The following NBAS variants were observed in gnomAD, a reference collection of about 807,000 sequenced individuals.
NBAS encodes NBAS subunit of NRZ tethering complex, also known as NAG/BC035112 fusion.
In NBAS, 219 loss-of-function variants were observed where a neutral mutation model predicts 302.5. The observed-to-expected ratio is 0.72, with a 90% CI of 0.65 to 0.81. NBAS has a LOEUF of 0.81. Among genes scored for constraint, NBAS ranks in the 30% least tolerant of loss-of-function variants. The pLI, the probability that NBAS is intolerant of heterozygous loss-of-function variation, is 0.00. For missense variants in NBAS, 2,932 were observed against 2,841.6 expected (o/e 1.03, Z -0.72); for synonymous variants, 1,118 against 1,021.6 (o/e 1.09, Z -1.80).
At chr2:14,983,431 T>C in the NBAS span, among the ~76,000 whole-genome samples, 1 of 152,040 alleles carries the variant, frequency 6.6e-6, no homozygotes, top group Non-Finnish European at 1.5e-5. Context: ...TTTGATGCAA[T>C]TTCTTTATTT....
chr2:15,479,519 T>C (rs1680335913), intron 12 of NBAS, among the ~76,000 whole-genome samples: 1 of 152,018 alleles, frequency 6.6e-6, no homozygotes, highest in South Asian at 2.1e-4. Context: ...AAATACAGAG[T>C]AAAAAACCTT....
the NBAS span, among the ~76,000 whole-genome samples, chr2:14,922,766 C>T: frequency 4.6e-5 from 7 of 152,170 alleles, no homozygotes; most frequent in African/African-American, 4.8e-5. Flanking sequence ...AAAGACAGTT[C>T]GCAAAAATAG....
the NBAS span, among the ~76,000 whole-genome samples, chr2:15,021,062 T>C: frequency 6.6e-6 from 1 of 152,130 alleles, no homozygotes; most frequent in South Asian, 2.1e-4. Flanking sequence ...TAAAACCTTG[T>C]CTCTACTAAA....
chr2:14,811,928 A>G, the NBAS span, among the ~76,000 whole-genome samples: 1 of 152,210 alleles, frequency 6.6e-6, no homozygotes, highest in Admixed American at 6.5e-5. Flanking sequence ...ATTATCAAGA[A>G]ATCATGAGCC....
At chr2:14,949,365 T>C in the NBAS span, among the ~76,000 whole-genome samples, 2 of 152,076 alleles carry the variant, frequency 1.3e-5, no homozygotes, top group East Asian at 3.8e-4. Flanking sequence ...AACCAGAATA[T>C]ATAACAAGCT....
In NBAS at chr2:15,427,814, A is replaced by T; in HGVS notation, c.2340-20T>A. 1 of 1,574,082 alleles carries T rather than the reference A, an allele frequency of 6.4e-7. No homozygotes were observed. The highest frequency in any genetic ancestry group is 2.3e-5 in the East Asian group (1 of 44,280). ...TTAAAACTCAAATTTAAAAAAAAAT[A>T]AGTGTTTAAAATTCACATTACCTCA... is the stretch of plus-strand genomic sequence containing the variant. On this transcript the variant is annotated intron_variant, in intron 21 of 51. Coordinates refer to ENST00000281513, the MANE Select transcript of NBAS (RefSeq NM_015909.4).
chr2:15,242,083 A>G (rs1201643645), intron 44 of NBAS, among the ~76,000 whole-genome samples: 1 of 152,190 alleles, frequency 6.6e-6, no homozygotes, highest in Non-Finnish European at 1.5e-5. Context: ...CTCTGCTCCA[A>G]CATCCAAGTG....
the NBAS span, among the ~76,000 whole-genome samples, chr2:14,846,426 G>GAGT: frequency 7.0e-6 from 1 of 141,908 alleles, no homozygotes; most frequent in African/African-American, 2.8e-5. Flanking sequence ...ATGCTAAAAG[G>GAGT]AGTACTTCAA....
intron 19 of NBAS, among the ~76,000 whole-genome samples, chr2:15,465,984 G>A (rs550633052): frequency 1.8e-4 from 28 of 152,224 alleles, no homozygotes; most frequent in Middle Eastern, 3.4e-3. Context: ...ATATCAACAT[G>A]ACGTGTTTTA....
chr2:15,157,703 A>T, the NBAS span, among the ~76,000 whole-genome samples: 20 of 152,188 alleles, frequency 1.3e-4, no homozygotes, highest in African/African-American at 4.6e-4. Flanking sequence ...CACTTGGATA[A>T]GCAAAAGCCC....
chr2:14,982,030 T>G, the NBAS span, among the ~76,000 whole-genome samples: 1 of 152,212 alleles, frequency 6.6e-6, no homozygotes, highest in Non-Finnish European at 1.5e-5. Flanking sequence ...GTTCTAGGTC[T>G]TCCAAAGTCA....
rs140844953 is a variant in NBAS, at chr2:15,244,403, C to G, written c.5725-5717G>C. ...TGGGGTCATGGAGAACAAAGGATAA[C>G]AAGGTTGCTCCTAGAAAGCAGAATT... On this transcript the variant is annotated intron_variant, in intron 44 of 51. Transcript: ENST00000281513. Among the ~76,000 whole-genome samples, 87 of 152,120 alleles carry G rather than the reference C, an allele frequency of 5.7e-4. No homozygotes were observed. The East Asian group carries it at 0.011, about 20-fold the overall frequency.
chr2:14,963,197 G>A, the NBAS span, among the ~76,000 whole-genome samples: 1 of 152,100 alleles, frequency 6.6e-6, no homozygotes, highest in Non-Finnish European at 1.5e-5. Flanking sequence ...GAACCTGGGA[G>A]GCGGAGGTTG....
At chr2:14,987,061 A>C in the NBAS span, among the ~76,000 whole-genome samples, 1 of 152,114 alleles carries the variant, frequency 6.6e-6, no homozygotes, top group Non-Finnish European at 1.5e-5. Flanking sequence ...ATATGACATG[A>C]TTTCAGGTCA....
intron 16 of NBAS, among the ~76,000 whole-genome samples, chr2:15,471,695 C>T (rs1012369311): frequency 1.3e-5 from 2 of 152,088 alleles, no homozygotes; most frequent in African/African-American, 2.4e-5. Flanking sequence ...GGAAATGAGA[C>T]CTTTAGAAAG....
intron 2 of NBAS, 77 bp downstream of exon 2, chr2:15,558,503 G>A: frequency 9.2e-7 from 1 of 1,091,586 alleles, no homozygotes. Flanking sequence ...CTTTTATTAG[G>A]CTCCACATCA....
chr2:15,319,463 G>A (rs1289198925), intron 38 of NBAS, among the ~76,000 whole-genome samples: 2 of 151,812 alleles, frequency 1.3e-5, no homozygotes, highest in South Asian at 2.1e-4. Context: ...CCAGGAGCTG[G>A]TTTTTTTAAA....
chr2:15,186,832 T>C lies in NBAS; in HGVS notation c.6621A>G (p.Arg2207=). The C allele has an allele frequency of 6.2e-7, 1 of 1,613,950 alleles. No individual in the cohort carries two copies. Among genetic ancestry groups the C allele is most frequent in the South Asian group, 1.1e-5 (1 of 91,082 alleles). Residue 2207 remains arginine (R), a synonymous_variant, in exon 50 of 52, where the codon AGA becomes AGG. Transcript: ENST00000281513. ...WVRLATVMLT[R]CTMENKEGLG... is the part of the protein sequence containing the mutation. ...ATCCTTCCTTGTTCTCCATCGTACA[T>C]CTGGTTAGCATCACTGTAGCTAGTC...
the NBAS span, among the ~76,000 whole-genome samples, chr2:15,058,138 G>A: frequency 6.6e-6 from 1 of 152,208 alleles, no homozygotes; most frequent in Non-Finnish European, 1.5e-5. Flanking sequence ...AAAGATGCCT[G>A]CACACCTTTG....
Sources: gnomAD v4.1 joint callset for allele counts (sites outside exome capture counted in the v4.1 genomes callset) on GRCh38, gnomAD v4.1.1 for gene constraint, MANE v1.5 for transcripts, NCBI Gene and HGNC (gene_info 2026-07-23, HGNC 2026-07-21) for gene names.